Variants in ISY1 observed in about 807,000 individuals in gnomAD.
The protein encoded by ISY1 is pre-mRNA-splicing factor ISY1 homolog.
Under a neutral mutation model 54.4 loss-of-function variants are expected in ISY1, and 12 were observed. That is an observed-to-expected ratio of 0.22 (90% CI 0.14 to 0.36). The LOEUF is 0.36. Ranked by LOEUF, ISY1 falls within the 10% of genes least tolerant of loss-of-function variation. ISY1 has a pLI of 1.00. For missense variants in ISY1, 282 were observed against 342.2 expected, an observed-to-expected ratio of 0.82 and a Z score of 1.39; for synonymous variants, 96 against 117.9, an observed-to-expected ratio of 0.81 and a Z score of 1.20.
chr3:129,151,697 C>G (rs1476249417), intron 5 of ISY1, among the ~76,000 whole-genome samples: 3 of 152,150 alleles, frequency 2.0e-5, no homozygotes, highest in African/African-American at 7.2e-5. Flanking sequence ...ATTTTCTAAT[C>G]TTTATGCCTT....
chr3:129,153,233 C>T (rs1041667363), intron 5 of ISY1, among the ~76,000 whole-genome samples: 33 of 151,948 alleles, frequency 2.2e-4, no homozygotes, highest in African/African-American at 7.5e-4. Context: ...TGGTCTTGAA[C>T]TCCTAACCTC....
intron 7 of ISY1, among the ~76,000 whole-genome samples, chr3:129,139,415 TAGA>T (rs1251041408): frequency 1.3e-5 from 2 of 152,130 alleles, no homozygotes; most frequent in Non-Finnish European, 2.9e-5. Context: ...AAAAGCCAAC[TAGA>T]AGGAGATATA....
chr3:129,146,402 G>A (rs1407562995), intron 5 of ISY1, among the ~76,000 whole-genome samples: 3 of 152,300 alleles, frequency 2.0e-5, no homozygotes, highest in Admixed American at 6.5e-5. Context: ...TCACTGTGGT[G>A]CAGCTGGGGC....
At chr3:129,134,300 C>T in intron 8 of ISY1, 105 bp from the exon 9 acceptor site, 3 of 1,560,114 alleles carry the variant, frequency 1.9e-6, no homozygotes, top group Non-Finnish European at 2.6e-6. Flanking sequence ...GACATCCCCT[C>T]TAGAAAGGGA....
intron 7 of ISY1, among the ~76,000 whole-genome samples, chr3:129,139,049 C>A (rs1936524626): frequency 6.6e-6 from 1 of 151,872 alleles, no homozygotes; most frequent in African/African-American, 2.4e-5. Context: ...ATTCTCCTGC[C>A]TCAGCCTCCT....
rs1936324762 is a variant in ISY1 at position 129,134,221 on chromosome 3, A to G, written c.542-26T>C. On this transcript the variant is annotated intron_variant, in intron 8 of 10. Coordinates refer to ENST00000393295, the MANE Select transcript of ISY1 (RefSeq NM_020701.4). The stretch of plus-strand genomic sequence containing the variant: ...CTGAACACAAGAGAGGGTAGGTGCT[A>G]TTTATTTGTCTCTAAATGAGCTTTC... 1.9e-6 allele frequency: 3 copies of G among 1,613,612 alleles called. No homozygotes were observed. The South Asian group carries it at 3.3e-5, about 18-fold the overall frequency.
intron 3 of ISY1, among the ~76,000 whole-genome samples, chr3:129,157,921 C>T (rs1034261595): frequency 1.2e-4 from 18 of 152,004 alleles, no homozygotes; most frequent in African/African-American, 3.9e-4. Context: ...AGTGCAGCAG[C>T]GCGCTCTCGG....
intron 7 of ISY1, among the ~76,000 whole-genome samples, chr3:129,138,524 G>A (rs1040141730): frequency 2.0e-5 from 3 of 151,962 alleles, no homozygotes; most frequent in Non-Finnish European, 4.4e-5. Context: ...GATGCCTGTA[G>A]TCCCAGCTAC....
intron 5 of ISY1, among the ~76,000 whole-genome samples, chr3:129,147,911 G>A (rs1936819594): frequency 6.6e-6 from 1 of 151,420 alleles, no homozygotes; most frequent in African/African-American, 2.4e-5. Context: ...CTTTCACTCA[G>A]CATTAGGCTG....
intron 7 of ISY1, 110 bp downstream of exon 7, chr3:129,140,258 A>G (rs1404012713): frequency 7.6e-6 from 7 of 925,056 alleles, no homozygotes; most frequent in Non-Finnish European, 1.1e-5. Context: ...TTCCTACACT[A>G]TAAGGCTGTT....
At chr3:129,138,975 C>A (rs1936522135) in intron 7 of ISY1, among the ~76,000 whole-genome samples, 4 of 151,942 alleles carry the variant, frequency 2.6e-5, no homozygotes, top group Admixed American at 1.3e-4. Context: ...TGCTCTGCTG[C>A]CCAGGCTGGA....
chr3:129,159,420 T>C (rs1373398496), intron 1 of ISY1, among the ~76,000 whole-genome samples: 1 of 152,120 alleles, frequency 6.6e-6, no homozygotes, highest in Non-Finnish European at 1.5e-5. Flanking sequence ...CTAACTTGCA[T>C]TATTCTTCCT....
intron 6 of ISY1, chr3:129,143,997 T>A (rs1288218967): frequency 1.1e-5 from 2 of 174,752 alleles, no homozygotes; most frequent in South Asian, 1.1e-4. Context: ...CTGGAAAAAA[T>A]ATATAAAAAT....
intron 5 of ISY1, among the ~76,000 whole-genome samples, chr3:129,150,085 C>T (rs1936920934): frequency 6.6e-6 from 1 of 152,050 alleles, no homozygotes; most frequent in Admixed American, 6.6e-5. Flanking sequence ...ACCAATACCA[C>T]ATTATCTGGA....
At chr3:129,148,176 C>A (rs1936832354) in intron 5 of ISY1, among the ~76,000 whole-genome samples, 1 of 152,068 alleles carries the variant, frequency 6.6e-6, no homozygotes, top group African/African-American at 2.4e-5. Flanking sequence ...TATAGACACA[C>A]CTCAGTTTGT....
At chr3:129,139,718 C>T (rs1936550463) in intron 7 of ISY1, among the ~76,000 whole-genome samples, 1 of 152,172 alleles carries the variant, frequency 6.6e-6, no homozygotes, top group East Asian at 1.9e-4. Context: ...TCTCGGCTCA[C>T]CGCAACCTCC....
intron 5 of ISY1, among the ~76,000 whole-genome samples, chr3:129,153,227 C>T (rs1195184260): frequency 6.6e-6 from 1 of 151,918 alleles, no homozygotes; most frequent in Non-Finnish European, 1.5e-5. Context: ...CCAGCCTGGT[C>T]TTGAACTCCT....
chr3:129,145,470 G>T (rs1486641475), intron 6 of ISY1, among the ~76,000 whole-genome samples: 5 of 152,090 alleles, frequency 3.3e-5, no homozygotes, highest in African/African-American at 1.2e-4. Context: ...TGATCTGCCC[G>T]CCTCGGCCTC....
At chr3:129,130,765 A>AT (rs1936216548) in intron 9 of ISY1, 129 bp from the exon 10 acceptor site, 3 of 970,228 alleles carry the variant, frequency 3.1e-6, no homozygotes, top group Non-Finnish European at 4.4e-6. Context: ...TACTTATAGA[A>AT]AGACACTTGA....
Sources: allele counts gnomAD v4.1 joint callset (sites outside exome capture counted in the v4.1 genomes callset), GRCh38; gene constraint gnomAD v4.1.1; transcripts MANE v1.5; gene names NCBI Gene and HGNC (gene_info 2026-07-23, HGNC 2026-07-21).